The following KDM4A variants were observed in gnomAD, a reference collection of about 807,000 sequenced individuals.
KDM4A encodes the protein lysine-specific demethylase 4A.
In KDM4A, 23 loss-of-function variants were observed where a neutral mutation model predicts 127.1. The ratio of observed to expected loss-of-function variants is 0.18; its 90% CI spans 0.13 to 0.26. The LOEUF (loss-of-function observed/expected upper bound fraction) is 0.26, where lower values mean the gene tolerates loss of function less well. Among genes scored for constraint, KDM4A ranks in the 10% least tolerant of loss-of-function variants. The probability of loss-of-function intolerance (pLI) is 1.00; values close to 1 mark genes in which losing one functional copy is unlikely to be tolerated. For missense variants in KDM4A, 890 were observed against 1,329.1 expected (o/e 0.67, Z 5.14); for synonymous variants, 443 against 466.5 (o/e 0.95, Z 0.65).
intron 11 of KDM4A, among the ~76,000 whole-genome samples, chr1:43,681,243 G>T (rs1216639571): frequency 1.3e-5 from 2 of 151,976 alleles, no homozygotes; most frequent in Non-Finnish European, 2.9e-5. Context: ...CCCCCTCCCT[G>T]AAGCCGTCCC....
intron 11 of KDM4A, among the ~76,000 whole-genome samples, chr1:43,680,192 T>A (rs1660827112): frequency 6.6e-6 from 1 of 152,136 alleles, no homozygotes; most frequent in Non-Finnish European, 1.5e-5. Context: ...CCTGACTACT[T>A]TGGTCAGAGG....
At chr1:43,702,300 A>T (rs1224324275) in intron 19 of KDM4A, 1 of 152,266 alleles carries the variant, frequency 6.6e-6, no homozygotes. Flanking sequence ...ACATTTGAGT[A>T]GTTAAATCTT....
chr1:43,670,222 T>A (rs1660586610), intron 10 of KDM4A, among the ~76,000 whole-genome samples: 1 of 152,340 alleles, frequency 6.6e-6, no homozygotes, highest in South Asian at 2.1e-4. Flanking sequence ...GAAAGGCTTG[T>A]ATCTGTCTTG....
chr1:43,665,380 T>TA (rs755400757), intron 5 of KDM4A, among the ~76,000 whole-genome samples: 51 of 152,146 alleles, frequency 3.4e-4, no homozygotes, highest in South Asian at 4.1e-4. Context: ...TTTTTTCTTT[T>TA]AAAAAATGTT....
At chr1:43,695,089 C>CA (rs1379162638) in intron 18 of KDM4A, among the ~76,000 whole-genome samples, 195 bp downstream of exon 18, 1 of 152,178 alleles carries the variant, frequency 6.6e-6, no homozygotes, top group Non-Finnish European at 1.5e-5. Flanking sequence ...CCAGTGACAC[C>CA]AAACTGCTTG....
intron 11 of KDM4A, among the ~76,000 whole-genome samples, chr1:43,682,416 C>A (rs775724074): frequency 4.6e-5 from 7 of 152,076 alleles, no homozygotes; most frequent in Non-Finnish European, 8.8e-5. Flanking sequence ...TGATATAGTT[C>A]CGGTCTGATT....
intron 12 of KDM4A, among the ~76,000 whole-genome samples, chr1:43,686,239 A>G (rs1660975468): frequency 2.1e-5 from 3 of 143,858 alleles, no homozygotes; most frequent in South Asian, 4.4e-4. Context: ...GCTTACTGCA[A>G]CCTCTGCCTC....
chr1:43,701,290 A>G lies in KDM4A; in HGVS notation c.2842-2327A>G, dbSNP rs1476992912. On this transcript the variant is annotated intron_variant, in intron 19 of 21. Transcript: ENST00000372396. ...AAACTTGGAATTTTGGGAAGTTTCA[A>G]GCTCACAGTTGTGAATGCCGCTTCT... 6.6e-5 allele frequency among the ~76,000 whole-genome samples: 10 copies of G among 152,310 alleles called. No homozygotes were observed. The South Asian group carries it at 1.2e-3, about 19-fold the overall frequency.
intron 13 of KDM4A, 125 bp downstream of exon 13, chr1:43,689,220 C>T: frequency 1.1e-6 from 1 of 923,728 alleles, no homozygotes; most frequent in Non-Finnish European, 1.7e-6. Context: ...CCAGCATTCT[C>T]TGCCCCATCT....
rs1235204402 is a variant in KDM4A, at chr1:43,697,884, A to G, written c.2712A>G (p.Lys904=). 7 of 1,613,720 alleles carry G rather than the reference A, an allele frequency of 4.3e-6. No individual in the cohort carries two copies. Among genetic ancestry groups the G allele is most frequent in the Non-Finnish European group, 5.9e-6 (7 of 1,180,010 alleles). The change falls in exon 19 of 22, where the codon AAA becomes AAG. Residue 904 remains lysine (K), a synonymous_variant. Transcript: ENST00000372396. The part of the protein sequence containing the change: ...GALQSITAGQ[K]VISKHKNGRF... ...TGCAAAGCATCACTGCAGGCCAGAA[A>G]GTCATTAGCAAGCATAAGAACGGGC...
At chr1:43,680,525 C>T (rs1019460598) in intron 11 of KDM4A, among the ~76,000 whole-genome samples, 2 of 152,204 alleles carry the variant, frequency 1.3e-5, no homozygotes, top group African/African-American at 4.8e-5. Context: ...CACTTGTTCT[C>T]TTATGGTTCT....
At chr1:43,652,686 T>C (rs571752144) in intron 1 of KDM4A, among the ~76,000 whole-genome samples, 1 of 148,068 alleles carries the variant, frequency 6.8e-6, no homozygotes, top group African/African-American at 2.5e-5. Flanking sequence ...TTTCTTTTTT[T>C]TTTTTTTTTT....
intron 3 of KDM4A, among the ~76,000 whole-genome samples, chr1:43,656,757 C>T (rs1271407888): frequency 6.8e-6 from 1 of 147,426 alleles, no homozygotes; most frequent in Non-Finnish European, 1.5e-5. Flanking sequence ...GGTGGAGTCT[C>T]GCTCGTTCCC....
rs35512755 is a variant in KDM4A, at chr1:43,686,151, G to GTTT, written c.1855+2366_1855+2368dup. Among the ~76,000 whole-genome samples the GTTT allele has an allele frequency of 6.8e-3, 664 of 97,866 alleles. 8 individuals are homozygous for GTTT. Among genetic ancestry groups the GTTT allele is most frequent in the East Asian group, 0.012 (39 of 3,230 alleles). The allele number at this position is 97,866 out of a possible 152,430, so 64.2% of individuals were successfully genotyped here. ...CTCCCCCTACTTTTTTTTGTTTCTT[G>GTTT]TTTTTTTTTTTTTTTTTTTTTGAGA... On this transcript the variant is annotated intron_variant, in intron 12 of 21. Coordinates refer to ENST00000372396, the MANE Select transcript of KDM4A (RefSeq NM_014663.3).
At chr1:43,703,009 C>T (rs1454535337) in intron 19 of KDM4A, among the ~76,000 whole-genome samples, 2 of 151,588 alleles carry the variant, frequency 1.3e-5, no homozygotes, top group African/African-American at 4.8e-5. Flanking sequence ...CCAGCGTGAT[C>T]TCAGCTCTCT....
At chr1:43,658,821 G>T (rs1008000350) in intron 3 of KDM4A, among the ~76,000 whole-genome samples, 6 of 151,940 alleles carry the variant, frequency 3.9e-5, no homozygotes, top group African/African-American at 1.4e-4. Flanking sequence ...AATTTTTAAA[G>T]TTTTTGTAGA....
At chr1:43,668,834 T>A (rs1660557810) in intron 9 of KDM4A, among the ~76,000 whole-genome samples, 1 of 152,172 alleles carries the variant, frequency 6.6e-6, no homozygotes, top group African/African-American at 2.4e-5. Context: ...GCCAGGCACT[T>A]TGCCAGCTAC....
At chr1:43,665,675 G>C (rs765509007) in intron 5 of KDM4A, 21 bp from the exon 6 acceptor site, 33 of 1,613,540 alleles carry the variant, frequency 2.0e-5, no homozygotes, top group Non-Finnish European at 2.8e-5. Context: ...CCCAGCCTCT[G>C]ATGCTCTCAT....
At chr1:43,666,831 A>G in intron 7 of KDM4A, 123 bp from the exon 8 acceptor site, 1 of 937,514 alleles carries the variant, frequency 1.1e-6, no homozygotes, top group Non-Finnish European at 1.7e-6. Context: ...AGAAGACAGC[A>G]AGGACCCCAG....
Sources: gnomAD v4.1 joint callset for allele counts (sites outside exome capture counted in the v4.1 genomes callset) on GRCh38, gnomAD v4.1.1 for gene constraint, MANE v1.5 for transcripts, NCBI Gene and HGNC (gene_info 2026-07-23, HGNC 2026-07-21) for gene names.